The following USP15 variants were observed in gnomAD, a reference collection of about 807,000 sequenced individuals.
USP15 encodes ubiquitin carboxyl-terminal hydrolase 15.
Under a neutral mutation model 127.1 loss-of-function variants are expected in USP15, and 18 were observed. The observed-to-expected ratio is 0.14, with a 90% CI of 0.10 to 0.21. The LOEUF (loss-of-function observed/expected upper bound fraction) is 0.21, where lower values mean the gene tolerates loss of function less well. Ranked by LOEUF, USP15 falls within the 10% of genes least tolerant of loss-of-function variation. The probability of loss-of-function intolerance (pLI) is 1.00; values close to 1 mark genes in which losing one functional copy is unlikely to be tolerated. For synonymous variants in USP15, 364 were observed against 393.7 expected, an observed-to-expected ratio of 0.92 and a Z score of 0.89; for missense variants, 805 against 1,159.9, an observed-to-expected ratio of 0.69 and a Z score of 4.44.
intron 8 of USP15, among the ~76,000 whole-genome samples, chr12:62,372,659 C>T (rs1334504251): frequency 2.6e-5 from 4 of 151,958 alleles, no homozygotes; most frequent in African/African-American, 7.2e-5. Context: ...ATATTATGTG[C>T]AAGGGACTGA....
At chr12:62,358,954 C>G (rs900082333) in intron 8 of USP15, among the ~76,000 whole-genome samples, 3 of 151,888 alleles carry the variant, frequency 2.0e-5, no homozygotes, top group Non-Finnish European at 4.4e-5. Flanking sequence ...GTGACCAATC[C>G]CCTGTGGATA....
At chr12:62,284,616 A>G (rs1202238651) in intron 1 of USP15, among the ~76,000 whole-genome samples, 1 of 152,180 alleles carries the variant, frequency 6.6e-6, no homozygotes, top group Non-Finnish European at 1.5e-5. Context: ...ATAATCTTCT[A>G]AAAAGCTTTG....
intron 1 of USP15, among the ~76,000 whole-genome samples, chr12:62,276,768 TA>T (rs1458834867): frequency 6.6e-6 from 1 of 152,186 alleles, no homozygotes; most frequent in African/African-American, 2.4e-5. Flanking sequence ...AATTTTTAAT[TA>T]AAATCTAATG....
chr12:62,308,115 A>G (rs1418298649), intron 3 of USP15, among the ~76,000 whole-genome samples: 1 of 152,134 alleles, frequency 6.6e-6, no homozygotes, highest in Non-Finnish European at 1.5e-5. Flanking sequence ...TCAGGCATCC[A>G]CTAGGGGTCT....
At chr12:62,369,999 G>A (rs904791698) in intron 8 of USP15, among the ~76,000 whole-genome samples, 1 of 152,016 alleles carries the variant, frequency 6.6e-6, no homozygotes, top group Non-Finnish European at 1.5e-5. Flanking sequence ...TTTTTGAGAC[G>A]GAGTCTCGCT....
At chr12:62,277,687 C>T (rs2063531927) in intron 1 of USP15, 2 of 130,506 alleles carry the variant, frequency 1.5e-5, no homozygotes, top group Admixed American at 1.6e-4. Flanking sequence ...TACACTAACG[C>T]TAAAAATAGA....
At chr12:62,371,327 A>G (rs1259370771) in intron 8 of USP15, among the ~76,000 whole-genome samples, 2 of 152,146 alleles carry the variant, frequency 1.3e-5, no homozygotes, top group Non-Finnish European at 2.9e-5. Flanking sequence ...CTCATGGACA[A>G]ATACGTATTA....
chr12:62,372,636 G>T (rs908266915), intron 8 of USP15, among the ~76,000 whole-genome samples: 1 of 151,894 alleles, frequency 6.6e-6, no homozygotes, highest in Non-Finnish European at 1.5e-5. Context: ...ATTCAAAATT[G>T]TTTCTTTACT....
intron 6 of USP15, among the ~76,000 whole-genome samples, chr12:62,342,264 C>A (rs1480095012): frequency 6.6e-6 from 1 of 151,968 alleles, no homozygotes; most frequent in Non-Finnish European, 1.5e-5. Flanking sequence ...TTCCATCAGG[C>A]CATTTATGTT....
intron 2 of USP15, among the ~76,000 whole-genome samples, chr12:62,300,656 A>T (rs1436827083): frequency 2.0e-5 from 3 of 152,166 alleles, no homozygotes; most frequent in Non-Finnish European, 4.4e-5. Context: ...ATTCACTGGC[A>T]AAAGGATAGT....
chr12:62,265,055 C>T lies in USP15; in HGVS notation c.89+4552C>T, dbSNP rs140121156. Among the ~76,000 whole-genome samples, 332 of 152,152 alleles carry T rather than the reference C, an allele frequency of 2.2e-3. 2 individuals are homozygous for T. The highest frequency in any genetic ancestry group is 7.8e-3 in the African/African-American group (324 of 41,528). The stretch of plus-strand genomic sequence containing the variant: ...AACTTTTCTTAATTTAAGCCTTTTT[C>T]GTAAGTTTTTAAATGACTTCTGTTA... On this transcript the variant is annotated intron_variant, in intron 1 of 21. Transcript: ENST00000280377.
At chr12:62,373,689 T>G (rs2066745536) in intron 8 of USP15, among the ~76,000 whole-genome samples, 1 of 151,814 alleles carries the variant, frequency 6.6e-6, no homozygotes. Context: ...ATTTCTATTT[T>G]ACTTGCCTAA....
chr12:62,263,784 G>C (rs1029256143), intron 1 of USP15, among the ~76,000 whole-genome samples: 3 of 152,138 alleles, frequency 2.0e-5, no homozygotes, highest in Non-Finnish European at 4.4e-5. Context: ...ACAAAATTTA[G>C]AGTTTAGGAA....
intron 8 of USP15, among the ~76,000 whole-genome samples, chr12:62,370,171 T>C (rs56059115): frequency 0.077 from 11,662 of 152,218 alleles, 582 homozygotes; most frequent in Middle Eastern, 0.16. Flanking sequence ...GACAGGGTGA[T>C]CTGCCCGTCT....
intron 14 of USP15, among the ~76,000 whole-genome samples, chr12:62,390,567 AT>A (rs1271648008): frequency 3.9e-5 from 6 of 152,286 alleles, no homozygotes; most frequent in Admixed American, 3.9e-4. Flanking sequence ...TTATACAAAT[AT>A]AAGTGTTTTT....
intron 20 of USP15, among the ~76,000 whole-genome samples, chr12:62,398,106 C>T (rs1053918439): frequency 1.5e-4 from 23 of 151,878 alleles, no homozygotes; most frequent in African/African-American, 5.3e-4. Flanking sequence ...ATCCTACCAC[C>T]TTTGCCTCCC....
chr12:62,362,903 T>G (rs1375558581), intron 8 of USP15, among the ~76,000 whole-genome samples: 1 of 152,202 alleles, frequency 6.6e-6, no homozygotes, highest in African/African-American at 2.4e-5. Context: ...ACATGAGCTT[T>G]GACCAAAGAA....
intron 4 of USP15, among the ~76,000 whole-genome samples, chr12:62,316,940 A>G (rs552912834): frequency 6.6e-6 from 1 of 152,256 alleles, no homozygotes; most frequent in Non-Finnish European, 1.5e-5. Flanking sequence ...TTGGATATGT[A>G]CTTTAACATT....
intron 14 of USP15, among the ~76,000 whole-genome samples, chr12:62,390,230 A>G (rs2067278971): frequency 6.6e-6 from 1 of 152,174 alleles, no homozygotes; most frequent in South Asian, 2.1e-4. Flanking sequence ...AAAAGTTTAC[A>G]GTTAGAAGGA....
Sources: allele counts gnomAD v4.1 joint callset (sites outside exome capture counted in the v4.1 genomes callset), GRCh38; gene constraint gnomAD v4.1.1; transcripts MANE v1.5; gene names NCBI Gene and HGNC (gene_info 2026-07-23, HGNC 2026-07-21).